The following CLVS1 variants were observed in gnomAD, a reference collection of about 807,000 sequenced individuals.
CLVS1 encodes the protein clavesin-1.
A neutral mutation model predicts 33.1 loss-of-function variants in CLVS1; 10 were observed. That is an observed-to-expected ratio of 0.30 (90% CI 0.19 to 0.51). The LOEUF (loss-of-function observed/expected upper bound fraction) is 0.51. Among genes scored for constraint, CLVS1 ranks in the 20% least tolerant of loss-of-function variants. The pLI is 0.97. For synonymous variants in CLVS1, 163 were observed against 166.1 expected (o/e 0.98, Z 0.14); for missense variants, 343 against 433.4 (o/e 0.79, Z 1.85).
intron 2 of CLVS1, among the ~76,000 whole-genome samples, chr8:61,219,805 G>A (rs1203068188): frequency 6.6e-6 from 1 of 151,990 alleles, no homozygotes. Context: ...GCCTTGCCAG[G>A]ATCTATTGTT....
chr8:61,325,208 A>G (rs1811339993), intron 2 of CLVS1, among the ~76,000 whole-genome samples: 1 of 150,716 alleles, frequency 6.6e-6, no homozygotes, highest in Non-Finnish European at 1.5e-5. Context: ...ACACACATAC[A>G]CACACACACA....
chr8:61,476,857 G>A (rs1017412176), intron 5 of CLVS1, among the ~76,000 whole-genome samples: 67 of 152,248 alleles, frequency 4.4e-4, no homozygotes, highest in African/African-American at 1.6e-3. Context: ...GGTGGGAGAC[G>A]GCATCCCTGT....
At chr8:61,320,878 A>G (rs1811170987) in intron 2 of CLVS1, among the ~76,000 whole-genome samples, 1 of 152,194 alleles carries the variant, frequency 6.6e-6, no homozygotes, top group South Asian at 2.1e-4. Flanking sequence ...GTGGAAGATA[A>G]GAAGTATGAT....
At chr8:61,445,725 G>C (rs1816737425) in intron 3 of CLVS1, among the ~76,000 whole-genome samples, 1 of 152,166 alleles carries the variant, frequency 6.6e-6, no homozygotes, top group Admixed American at 6.5e-5. Flanking sequence ...TTCTGAAAGA[G>C]ACTCTGTAAA....
At chr8:61,232,040 T>TGTTTTGTTTTG (rs1443929436) in intron 2 of CLVS1, among the ~76,000 whole-genome samples, 30 of 136,432 alleles carry the variant, frequency 2.2e-4, no homozygotes, top group East Asian at 1.5e-3. Flanking sequence ...TTTTTTTTTT[T>TGTTTTGTTTTG]TTTTTTTTTT....
chr8:60,982,424 C>T, the CLVS1 span, among the ~76,000 whole-genome samples: 1 of 152,220 alleles, frequency 6.6e-6, no homozygotes, highest in South Asian at 2.1e-4. Context: ...AATAGGGTCT[C>T]TTCCTTTCTC....
At chr8:60,970,437 T>C in the CLVS1 span, among the ~76,000 whole-genome samples, 2 of 152,254 alleles carry the variant, frequency 1.3e-5, no homozygotes, top group South Asian at 4.1e-4. Context: ...TCCTTTGTTT[T>C]ATGAAACATG....
chr8:61,228,598 T>C (rs1808375316), intron 2 of CLVS1, among the ~76,000 whole-genome samples: 1 of 152,226 alleles, frequency 6.6e-6, no homozygotes, highest in African/African-American at 2.4e-5. Context: ...ATCTTTGTTT[T>C]TATGAGTTCT....
intron 2 of CLVS1, among the ~76,000 whole-genome samples, chr8:61,185,143 G>GCTTTTTTTTTTTTTTTTTTTTT (rs376138569): frequency 7.0e-6 from 1 of 143,764 alleles, no homozygotes; most frequent in African/African-American, 2.8e-5. Context: ...AGAGAGTATA[G>GCTTTTTTTTTTTTTTTTTTTTT]TTTTTGTTTT....
chr8:61,260,875 A>G (rs1809189191), intron 2 of CLVS1, among the ~76,000 whole-genome samples: 1 of 152,220 alleles, frequency 6.6e-6, no homozygotes, highest in Admixed American at 6.5e-5. Flanking sequence ...AATGGTGTTC[A>G]GAATGCAGAC....
At position 61,202,966 on chromosome 8, in the gene CLVS1, A is replaced by C. The variant is rs1454493290; in HGVS notation, c.-152+71106A>C. On this transcript the variant is annotated intron_variant, in intron 2 of 2. Transcript: ENST00000522621. ...TCCAGCCAAAAATGCACAAAAGTCA[A>C]ATCAGAATGGAAAAGACTCAAAACC... 3.9e-5 allele frequency: 57 copies of C among 1,459,502 alleles called. 1 individual carries two copies. Among genetic ancestry groups the C allele is most frequent in the South Asian group, 1.5e-4 (13 of 88,176 alleles). The allele number at this position is 1,459,502 out of a possible 1,614,324, so 90.4% of individuals were successfully genotyped here.
the CLVS1 span, among the ~76,000 whole-genome samples, chr8:61,039,961 C>T: frequency 2.0e-5 from 3 of 152,162 alleles, no homozygotes; most frequent in African/African-American, 7.2e-5. Context: ...AACATAATAT[C>T]GGATAGGTGG....
At chr8:61,400,591 G>A (rs1814710743) in intron 3 of CLVS1, among the ~76,000 whole-genome samples, 1 of 152,166 alleles carries the variant, frequency 6.6e-6, no homozygotes, top group Non-Finnish European at 1.5e-5. Flanking sequence ...TGATGAGAGA[G>A]TGCATCCTTG....
At chr8:61,313,871 G>GGA (rs964761723) in intron 2 of CLVS1, among the ~76,000 whole-genome samples, 1 of 152,076 alleles carries the variant, frequency 6.6e-6, no homozygotes, top group Non-Finnish European at 1.5e-5. Context: ...ATGGCCTAAT[G>GGA]GAGAGAGAGA....
intron 3 of CLVS1, chr8:61,377,152 C>A (rs1363729522): frequency 5.8e-6 from 1 of 173,728 alleles, no homozygotes; most frequent in Non-Finnish European, 1.2e-5. Flanking sequence ...TTTTGTGCCC[C>A]AGAAATGCAC....
At chr8:61,059,471 C>CATATATAT (rs1292747857) in intron 1 of CLVS1, among the ~76,000 whole-genome samples, 48 of 22,976 alleles carry the variant, frequency 2.1e-3, no homozygotes, top group South Asian at 0.013. Flanking sequence ...TACATACATA[C>CATATATAT]ATACATATAT....
At chr8:61,043,234 TC>T in the CLVS1 span, among the ~76,000 whole-genome samples, 1 of 152,214 alleles carries the variant, frequency 6.6e-6, no homozygotes, top group Non-Finnish European at 1.5e-5. Flanking sequence ...TCCTCATATT[TC>T]TTCCTGACCT....
intron 3 of CLVS1, among the ~76,000 whole-genome samples, chr8:61,430,453 C>G (rs774600062): frequency 6.6e-6 from 1 of 152,156 alleles, no homozygotes; most frequent in Non-Finnish European, 1.5e-5. Context: ...AAATTCCCCC[C>G]AAGGGCACTT....
intron 2 of CLVS1, among the ~76,000 whole-genome samples, chr8:61,159,951 T>C (rs958692645): frequency 1.8e-4 from 27 of 152,324 alleles, no homozygotes; most frequent in Admixed American, 1.4e-3. Context: ...TGGGAGGCCT[T>C]CAGAAGTATT....
Sources: gnomAD v4.1 joint callset for allele counts (sites outside exome capture counted in the v4.1 genomes callset) on GRCh38, gnomAD v4.1.1 for gene constraint, MANE v1.5 for transcripts, NCBI Gene and HGNC (gene_info 2026-07-23, HGNC 2026-07-21) for gene names.